FOXJ3: variants seen among roughly 807,000 people sequenced by gnomAD.
FOXJ3 encodes the protein forkhead box J3, also known as forkhead box protein J3.
In FOXJ3, 22 loss-of-function variants were observed where a neutral mutation model predicts 76.1. The observed-to-expected ratio is 0.29, with a 90% CI of 0.21 to 0.41. FOXJ3 has a LOEUF of 0.41. Among genes scored for constraint, FOXJ3 ranks in the 10% least tolerant of loss-of-function variants. The pLI is 1.00. For synonymous variants in FOXJ3, 269 were observed against 261.2 expected, an observed-to-expected ratio of 1.03 and a Z score of -0.29; for missense variants, 613 against 762.1, an observed-to-expected ratio of 0.80 and a Z score of 2.30.
At chr1:42,307,554 C>T (rs1654543344) in intron 2 of FOXJ3, among the ~76,000 whole-genome samples, 1 of 152,172 alleles carries the variant, frequency 6.6e-6, no homozygotes, top group Non-Finnish European at 1.5e-5. Context: ...TGTTCAAATA[C>T]TGGTATGGTT....
rs554560161 is a variant in FOXJ3 at position 42,292,644 on chromosome 1, G to A, written c.45-13972C>T. ...GATCAGTAGATACCTTGCAGACAGA[G>A]GGACAGCAAGGAAGAACTTCACAGA... On this transcript the variant is annotated intron_variant, in intron 2 of 12. Coordinates refer to ENST00000361346, the MANE Select transcript of FOXJ3 (RefSeq NM_014947.5). Among the ~76,000 whole-genome samples, 5 of 152,324 alleles carry A rather than the reference G, an allele frequency of 3.3e-5. No individual in the cohort carries two copies. The East Asian group carries it at 5.8e-4, about 18-fold the overall frequency.
intron 4 of FOXJ3, among the ~76,000 whole-genome samples, chr1:42,254,707 C>T (rs1650427508): frequency 6.9e-6 from 1 of 144,974 alleles, no homozygotes; most frequent in South Asian, 2.3e-4. Context: ...AGTAAACTAT[C>T]GCAAGGACAA....
chr1:42,271,854 CGCT>C, intron 3 of FOXJ3, among the ~76,000 whole-genome samples: 1 of 152,090 alleles, frequency 6.6e-6, no homozygotes, highest in East Asian at 1.9e-4. Flanking sequence ...GACAGGGTCT[CGCT>C]ATGCTGGCCA....
In FOXJ3 at chr1:42,280,438, TAAAAAAAAAAAAAAA is replaced by T. The variant is rs71065112; in HGVS notation, c.45-1781_45-1767del. 9.9e-4 allele frequency: 77 copies of T among 77,578 alleles called. No individual in the cohort carries two copies. The Middle Eastern group carries it at 0.032, about 32-fold the overall frequency. The allele number at this position is 77,578 out of a possible 1,614,324, so 4.8% of individuals were successfully genotyped here. A position where few individuals can be genotyped will look rare whatever the true frequency, so the allele number is the denominator to read the frequency against. On this transcript the variant is annotated intron_variant, in intron 2 of 12. Coordinates refer to ENST00000361346, the MANE Select transcript of FOXJ3 (RefSeq NM_014947.5). ...ATCCATATAGCATCTTCAGAGATCT[TAAAAAAAAAAAAAAA>T]AAAAAAAAAAAAACTTACTATCCTA...
At chr1:42,256,341 T>A (rs919244112) in intron 4 of FOXJ3, among the ~76,000 whole-genome samples, 5 of 152,230 alleles carry the variant, frequency 3.3e-5, no homozygotes, top group African/African-American at 1.2e-4. Context: ...AGGAAAGACT[T>A]GTATCCAGAA....
At chr1:42,259,443 CCAA>C (rs766237538) in intron 4 of FOXJ3, among the ~76,000 whole-genome samples, 4 of 151,902 alleles carry the variant, frequency 2.6e-5, no homozygotes, top group Admixed American at 6.6e-5. Flanking sequence ...AAAAAAGAGG[CCAA>C]CAACAACAAA....
At chr1:42,222,422 T>C (rs557969773) in intron 5 of FOXJ3, among the ~76,000 whole-genome samples, 1 of 152,286 alleles carries the variant, frequency 6.6e-6, no homozygotes, top group Non-Finnish European at 1.5e-5. Context: ...AATGCAGAAC[T>C]AGTAGTTATG....
intron 2 of FOXJ3, among the ~76,000 whole-genome samples, chr1:42,304,446 G>A (rs1043697577): frequency 2.6e-5 from 4 of 151,932 alleles, no homozygotes; most frequent in Admixed American, 2.6e-4. Flanking sequence ...AATACCCAAA[G>A]CTATCCTGAG....
chr1:42,213,144 G>A (rs1000702938), intron 5 of FOXJ3, among the ~76,000 whole-genome samples: 2 of 152,004 alleles, frequency 1.3e-5, no homozygotes, highest in African/African-American at 4.8e-5. Flanking sequence ...AAATTTCACA[G>A]GGCTTGTGAA....
chr1:42,232,607 T>A (rs1250511947), intron 4 of FOXJ3, among the ~76,000 whole-genome samples: 1 of 151,600 alleles, frequency 6.6e-6, no homozygotes, highest in Non-Finnish European at 1.5e-5. Context: ...TTTTGAGAAG[T>A]GTCTGTTCAT....
chr1:42,314,317 C>T (rs1472503561), intron 1 of FOXJ3, among the ~76,000 whole-genome samples: 10 of 152,200 alleles, frequency 6.6e-5, no homozygotes, highest in Non-Finnish European at 1.3e-4. Flanking sequence ...ATGGCGCCAA[C>T]TCGGCTCACT....
At chr1:42,212,990 T>TC (rs1253196752) in intron 5 of FOXJ3, among the ~76,000 whole-genome samples, 2 of 148,896 alleles carry the variant, frequency 1.3e-5, no homozygotes, top group Non-Finnish European at 3.0e-5. Context: ...AAACTAAGTT[T>TC]CATAAGTGAA....
intron 3 of FOXJ3, among the ~76,000 whole-genome samples, chr1:42,266,467 T>C (rs74071404): frequency 0.014 from 2,144 of 152,190 alleles, 59 homozygotes; most frequent in African/African-American, 0.048. Context: ...AATGAGAAAC[T>C]GGACACACAA....
intron 3 of FOXJ3, among the ~76,000 whole-genome samples, chr1:42,272,065 G>T (rs1038953958): frequency 6.6e-6 from 1 of 152,212 alleles, no homozygotes; most frequent in Non-Finnish European, 1.5e-5. Context: ...GACACAAAAT[G>T]AAAGGGAGTT....
chr1:42,291,585 G>A (rs1653440019), intron 2 of FOXJ3, among the ~76,000 whole-genome samples: 1 of 152,138 alleles, frequency 6.6e-6, no homozygotes, highest in South Asian at 2.1e-4. Context: ...AGGATCACTT[G>A]AGGCCAGGAG....
intron 5 of FOXJ3, among the ~76,000 whole-genome samples, chr1:42,208,088 T>C (rs981783208): frequency 1.3e-5 from 2 of 152,234 alleles, no homozygotes; most frequent in Non-Finnish European, 2.9e-5. Context: ...TCGAACTTTA[T>C]GCTTGTTTTC....
intron 7 of FOXJ3, among the ~76,000 whole-genome samples, chr1:42,196,707 A>C (rs1646658282): frequency 6.6e-6 from 1 of 152,146 alleles, no homozygotes; most frequent in Non-Finnish European, 1.5e-5. Context: ...ACAACAAAAA[A>C]AGCAGTCTAC....
At chr1:42,230,609 G>C (rs1170723632) in intron 4 of FOXJ3, among the ~76,000 whole-genome samples, 2 of 152,092 alleles carry the variant, frequency 1.3e-5, no homozygotes, top group Admixed American at 6.5e-5. Flanking sequence ...ATGAGGTCAG[G>C]CATGGAATTT....
chr1:42,290,528 A>G (rs1029108039), intron 2 of FOXJ3, among the ~76,000 whole-genome samples: 1 of 152,316 alleles, frequency 6.6e-6, no homozygotes, highest in East Asian at 1.9e-4. Flanking sequence ...AAGATGCTGC[A>G]GCTTATACTT....
Sources: gnomAD v4.1 joint callset for allele counts (sites outside exome capture counted in the v4.1 genomes callset) on GRCh38, gnomAD v4.1.1 for gene constraint, MANE v1.5 for transcripts, NCBI Gene and HGNC (gene_info 2026-07-23, HGNC 2026-07-21) for gene names.